The following PCDH15 variants were observed in gnomAD, a reference collection of about 807,000 sequenced individuals.
PCDH15 encodes protocadherin-15.
PCDH15 carries 129 observed loss-of-function variants against 178.5 expected under a neutral mutation model. That is an observed-to-expected ratio of 0.72 (90% CI 0.63 to 0.84). The LOEUF (loss-of-function observed/expected upper bound fraction) is 0.84, where lower values mean the gene tolerates loss of function less well. PCDH15 is among the 40% of genes least tolerant of loss of function. PCDH15 has a pLI of 0.00. For synonymous variants in PCDH15, 800 were observed against 732.0 expected, an observed-to-expected ratio of 1.09 and a Z score of -1.50; for missense variants, 2,230 against 2,099.9, an observed-to-expected ratio of 1.06 and a Z score of -1.21.
At chr10:54,985,209 A>G (rs1303305663) in intron 2 of PCDH15, among the ~76,000 whole-genome samples, 1 of 152,150 alleles carries the variant, frequency 6.6e-6, no homozygotes, top group East Asian at 1.9e-4. Context: ...TGCCTTAGGT[A>G]TATTATGGTA....
At chr10:55,450,966 T>TATATAC in intron 2 of PCDH15, among the ~76,000 whole-genome samples, 1 of 144,944 alleles carries the variant, frequency 6.9e-6, no homozygotes, top group South Asian at 2.2e-4. Flanking sequence ...TATATATATA[T>TATATAC]ATATATATAT....
At chr10:55,529,716 T>C (rs1841399945) in intron 2 of PCDH15, among the ~76,000 whole-genome samples, 1 of 137,076 alleles carries the variant, frequency 7.3e-6, no homozygotes, top group African/African-American at 2.7e-5. Context: ...TATGTGTGTA[T>C]ATATATATAT....
At chr10:55,468,577 T>C (rs568215043) in intron 2 of PCDH15, 2 of 152,334 alleles carry the variant, frequency 1.3e-5, no homozygotes, top group East Asian at 3.9e-4. Flanking sequence ...TCTACCATAA[T>C]GTAATTAAAG....
chr10:55,247,405 G>A (rs143028652), intron 1 of PCDH15, among the ~76,000 whole-genome samples: 285 of 152,254 alleles, frequency 1.9e-3, no homozygotes, highest in African/African-American at 6.5e-3. Flanking sequence ...TTGAAAGACA[G>A]CCAAATTTAT....
intron 1 of PCDH15, among the ~76,000 whole-genome samples, chr10:55,269,654 A>T (rs1842388977): frequency 6.6e-6 from 1 of 152,136 alleles, no homozygotes; most frequent in Middle Eastern, 3.2e-3. Flanking sequence ...AAGGGAAAAC[A>T]TTTTATGTTC....
intron 28 of PCDH15, among the ~76,000 whole-genome samples, chr10:53,849,347 A>G (rs978462789): frequency 1.3e-5 from 2 of 152,080 alleles, no homozygotes; most frequent in Non-Finnish European, 2.9e-5. Context: ...ATATGTATAT[A>G]TATTTTTTCC....
chr10:54,297,713 A>G (rs973445742), intron 8 of PCDH15, among the ~76,000 whole-genome samples: 2 of 152,168 alleles, frequency 1.3e-5, no homozygotes, highest in African/African-American at 4.8e-5. Flanking sequence ...ACGTGGGTAC[A>G]TGTCCCCTTC....
intron 4 of PCDH15, among the ~76,000 whole-genome samples, chr10:54,378,525 T>G (rs899184231): frequency 5.9e-5 from 9 of 152,044 alleles, no homozygotes; most frequent in African/African-American, 2.2e-4. Flanking sequence ...ACCTCTTTTT[T>G]CTAAGCACTA....
intron 23 of PCDH15, among the ~76,000 whole-genome samples, chr10:53,944,143 G>T (rs1012973953): frequency 6.6e-6 from 1 of 152,126 alleles, no homozygotes; most frequent in Non-Finnish European, 1.5e-5. Context: ...GAATGAGAGA[G>T]TATGTAACTA....
intron 1 of PCDH15, among the ~76,000 whole-genome samples, chr10:54,685,290 G>C (rs2094975781): frequency 6.6e-6 from 1 of 152,166 alleles, no homozygotes; most frequent in East Asian, 1.9e-4. Context: ...AGGAGATGAA[G>C]TACACTCTAA....
intron 2 of PCDH15, among the ~76,000 whole-genome samples, chr10:55,431,304 TGTTTTA>T (rs1481075535): frequency 6.6e-6 from 1 of 152,216 alleles, no homozygotes; most frequent in Non-Finnish European, 1.5e-5. Flanking sequence ...AATTTGTTTT[TGTTTTA>T]ATGTATGGAA....
chr10:54,875,768 T>C (rs924713829), intron 3 of PCDH15, among the ~76,000 whole-genome samples: 22 of 152,106 alleles, frequency 1.4e-4, no homozygotes, highest in Non-Finnish European at 2.5e-4. Flanking sequence ...GAAGAAAAGG[T>C]TGAAGCTAGT....
intron 1 of PCDH15, among the ~76,000 whole-genome samples, chr10:54,761,787 A>G (rs1947912816): frequency 6.6e-6 from 1 of 151,970 alleles, no homozygotes; most frequent in African/African-American, 2.4e-5. Context: ...CAAACTAATG[A>G]AGGAAGCATG....
chr10:55,219,789 A>T (rs1840817309), intron 1 of PCDH15, among the ~76,000 whole-genome samples: 2 of 151,616 alleles, frequency 1.3e-5, no homozygotes, highest in African/African-American at 4.9e-5. Context: ...GTACATAGCA[A>T]GGAAAAATAA....
At chr10:53,913,364 G>A (rs972825692) in intron 25 of PCDH15, among the ~76,000 whole-genome samples, 1 of 151,966 alleles carries the variant, frequency 6.6e-6, no homozygotes, top group East Asian at 1.9e-4. Context: ...CAATACCACT[G>A]AGGACTTAGG....
intron 16 of PCDH15, among the ~76,000 whole-genome samples, chr10:54,083,417 T>C (rs773400789): frequency 1.1e-4 from 16 of 152,314 alleles, no homozygotes; most frequent in Non-Finnish European, 1.5e-4. Context: ...AATTGTTGTA[T>C]ATGCATGTAA....
chr10:55,180,753 T>G (rs762786783), intron 1 of PCDH15, among the ~76,000 whole-genome samples: 1 of 152,140 alleles, frequency 6.6e-6, no homozygotes, highest in East Asian at 1.9e-4. Flanking sequence ...AATGTAATTT[T>G]GGGGAAAACA....
intron 8 of PCDH15, among the ~76,000 whole-genome samples, chr10:54,306,714 C>A (rs2133372985): frequency 1.3e-5 from 2 of 151,584 alleles, no homozygotes; most frequent in Middle Eastern, 6.8e-3. Flanking sequence ...GGCTCCATTC[C>A]CTCTGGTCAA....
Position 54,472,728 on chromosome 10 carries a change from G to T in PCDH15, c.157+55084C>A, listed in dbSNP as rs997865299. Among the ~76,000 whole-genome samples, 5 of 152,216 alleles carry T rather than the reference G, an allele frequency of 3.3e-5. No individual in the cohort carries two copies. The South Asian group carries it at 6.2e-4, about 19-fold the overall frequency. On this transcript the variant is annotated intron_variant, in intron 3 of 37. Coordinates refer to ENST00000644397, the MANE Select transcript of PCDH15 (RefSeq NM_001384140.1). The stretch of plus-strand genomic sequence containing the variant: ...CAGGAAGGACGTGGGGTCAAAAGAA[G>T]ATTTCAGAAGGAAATAATAACTGAC...
Sources: allele counts gnomAD v4.1 joint callset (sites outside exome capture counted in the v4.1 genomes callset), GRCh38; gene constraint gnomAD v4.1.1; transcripts MANE v1.5; gene names NCBI Gene and HGNC (gene_info 2026-07-23, HGNC 2026-07-21).